The following EFCAB7 variants were observed in gnomAD, a reference collection of about 807,000 sequenced individuals.
The protein encoded by EFCAB7 is EF-hand calcium binding domain 7.
EFCAB7 carries 66 observed loss-of-function variants against 77.1 expected under a neutral mutation model. The ratio of observed to expected loss-of-function variants is 0.86; its 90% CI spans 0.70 to 1.05. The LOEUF (loss-of-function observed/expected upper bound fraction) is 1.05, where lower values mean the gene tolerates loss of function less well. Among genes scored for constraint, EFCAB7 ranks in the 50% least tolerant of loss-of-function variants. EFCAB7 has a pLI of 0.00. For missense variants in EFCAB7, 638 were observed against 730.5 expected (o/e 0.87, Z 1.46); for synonymous variants, 225 against 243.3 (o/e 0.92, Z 0.70).
At chr1:63,582,391 A>C in the EFCAB7 span, among the ~76,000 whole-genome samples, 1 of 152,252 alleles carries the variant, frequency 6.6e-6, no homozygotes, top group African/African-American at 2.4e-5. Flanking sequence ...TTAAGAAAAC[A>C]TAAGGACCAT....
chr1:63,544,526 C>A lies in EFCAB7; in HGVS notation c.805-1390C>A, dbSNP rs555341727. On this transcript the variant is annotated intron_variant, in intron 6 of 13. Coordinates refer to ENST00000371088, the MANE Select transcript of EFCAB7 (RefSeq NM_032437.4). ...CTCCCGGATTCAAGCAATTCTCCTG[C>A]CTCAGCCTCCTGACTAGCTGGGACT... 2.0e-5 allele frequency among the ~76,000 whole-genome samples: 3 copies of A among 152,278 alleles called. No individual in the cohort carries two copies. The East Asian group carries it at 5.8e-4, about 30-fold the overall frequency.
chr1:63,571,018 T>C lies in EFCAB7; in HGVS notation c.1708-3T>C, dbSNP rs1647241340. ...AGCAGCTTATGAAATCTTTTTTTAATAGTCAGATGAGAAAGTGATTATTCA... is the reference window on the plus strand; with the variant it reads ...AGCAGCTTATGAAATCTTTTTTTAACAGTCAGATGAGAAAGTGATTATTCA... On this transcript the variant is annotated splice_polypyrimidine_tract_variant and splice_region_variant and intron_variant, in intron 12 of 13. Coordinates refer to ENST00000371088, the MANE Select transcript of EFCAB7 (RefSeq NM_032437.4). 3 of 1,588,084 alleles carry C rather than the reference T, an allele frequency of 1.9e-6. No individual in the cohort carries two copies.
At chr1:63,534,529 A>G (rs914575942) in intron 6 of EFCAB7, among the ~76,000 whole-genome samples, 1 of 152,156 alleles carries the variant, frequency 6.6e-6, no homozygotes, top group East Asian at 1.9e-4. Context: ...TTTCATATAA[A>G]TAAATCATTC....
At position 63,531,823 on chromosome 1, in the gene EFCAB7, T is replaced by C. The variant is rs1442266721; in HGVS notation, c.191T>C (p.Leu64Pro). Residue 64 changes from leucine to proline, a missense_variant, in exon 3 of 14, where the codon CTT becomes CCT. Transcript: ENST00000371088. ...TAATACTTGTCTTGTTGGGCAGCTC[T>C]TCAGCATGCAGGAAGAAATCCATCC... The part of the protein sequence containing the change: ...IISKDQLYLA[L>P]QHAGRNPSQK... 6.2e-7 allele frequency: 1 copy of C among 1,611,296 alleles called. No homozygotes were observed. Among genetic ancestry groups the C allele is most frequent in the Non-Finnish European group, 8.5e-7 (1 of 1,179,026 alleles).
intron 9 of EFCAB7, 82 bp from the exon 10 acceptor site, chr1:63,557,020 AGAGTGAGACTCC>A: frequency 9.6e-7 from 1 of 1,045,726 alleles, no homozygotes; most frequent in South Asian, 1.6e-5. Context: ...CCTGGGTGAC[AGAGTGAGACTCC>A]GTCTCAAAAA....
At chr1:63,531,781 G>C (rs775333289) in intron 2 of EFCAB7, 39 bp from the exon 3 acceptor site, 205 of 1,567,978 alleles carry the variant, frequency 1.3e-4, no homozygotes, top group Non-Finnish European at 1.6e-4. Flanking sequence ...ACAAATTCCA[G>C]GTGTTACAAT....
chr1:63,563,783 A>G (rs1186265632), intron 11 of EFCAB7, among the ~76,000 whole-genome samples: 5 of 152,040 alleles, frequency 3.3e-5, no homozygotes, highest in East Asian at 1.9e-4. Context: ...TCCTTATTAA[A>G]TTCTCTAATT....
At chr1:63,560,326 C>G (rs1423820782) in intron 10 of EFCAB7, among the ~76,000 whole-genome samples, 1 of 151,938 alleles carries the variant, frequency 6.6e-6, no homozygotes, top group Non-Finnish European at 1.5e-5. Flanking sequence ...TTTTGATAGT[C>G]TCTATAGTAC....
At chr1:63,575,100 T>C (rs1276072408), downstream of EFCAB7, among the ~76,000 whole-genome samples, 2 of 152,304 alleles carry the variant, frequency 1.3e-5, no homozygotes, top group East Asian at 3.9e-4. Flanking sequence ...TTAAAAAAAC[T>C]AATTATCTAA....
intron 6 of EFCAB7, among the ~76,000 whole-genome samples, chr1:63,538,755 A>G (rs1646794219): frequency 6.6e-6 from 1 of 152,104 alleles, no homozygotes; most frequent in South Asian, 2.1e-4. Flanking sequence ...CCAGCCTTGA[A>G]AAGAAATTTT....
rs9436252 is a variant in EFCAB7, at chr1:63,565,376, C to A, written c.1498-2934C>A. On this transcript the variant is annotated intron_variant, in intron 11 of 13. Coordinates refer to ENST00000371088, the MANE Select transcript of EFCAB7 (RefSeq NM_032437.4). Reference sequence around the variant, plus strand: ...TCCGTCTCAAAAAAAAAAACAACAACAACAAAAAAATTTTAAGATAAAGAC... The same window carrying A: ...TCCGTCTCAAAAAAAAAAACAACAAAAACAAAAAAATTTTAAGATAAAGAC... 9.3e-3 allele frequency among the ~76,000 whole-genome samples: 1,381 copies of A among 149,200 alleles called. 25 individuals are homozygous for A. The highest frequency in any genetic ancestry group is 0.03 in the African/African-American group (1,203 of 40,580).
At chr1:63,539,083 A>G (rs1360593903) in intron 6 of EFCAB7, among the ~76,000 whole-genome samples, 3 of 152,182 alleles carry the variant, frequency 2.0e-5, no homozygotes, top group Non-Finnish European at 2.9e-5. Flanking sequence ...AAAGACTTAT[A>G]ATAAAAATGT....
intron 8 of EFCAB7, among the ~76,000 whole-genome samples, chr1:63,552,503 T>C (rs1015951176): frequency 6.6e-6 from 1 of 152,196 alleles, no homozygotes; most frequent in African/African-American, 2.4e-5. Context: ...AAGATTACTA[T>C]CCTCAGGCTT....
At chr1:63,568,688 G>T in intron 12 of EFCAB7, 169 bp downstream of exon 12, 2 of 487,374 alleles carry the variant, frequency 4.1e-6, no homozygotes, top group South Asian at 9.3e-5. Context: ...ACTGGGAGTG[G>T]TAATTTTTAT....
At chr1:63,543,148 T>C (rs1323870403) in intron 6 of EFCAB7, among the ~76,000 whole-genome samples, 1 of 152,218 alleles carries the variant, frequency 6.6e-6, no homozygotes, top group Admixed American at 6.5e-5. Context: ...ATTTATTCTT[T>C]TGCAGATGGA....
At chr1:63,525,400 G>A (rs553682775) in intron 1 of EFCAB7, among the ~76,000 whole-genome samples, 172 bp from the exon 2 acceptor site, 55 of 151,936 alleles carry the variant, frequency 3.6e-4, no homozygotes, top group African/African-American at 1.1e-3. Flanking sequence ...TATAGTATTC[G>A]TCTTTTACTT....
rs371838008 is a variant in EFCAB7 at position 63,568,371 on chromosome 1, A to G, written c.1559A>G (p.His520Arg). The G allele has an allele frequency of 2.4e-5, 38 of 1,598,354 alleles. No homozygotes were observed. Among genetic ancestry groups the G allele is most frequent in the Admixed American group, 1.1e-4 (6 of 56,492 alleles). Reference sequence around the variant, plus strand: ...TGCAAGCCAAAAATTAAAGCTGTCCATATGGAGGCATGTAGTGGACAACTT... The same window carrying G: ...TGCAAGCCAAAAATTAAAGCTGTCCGTATGGAGGCATGTAGTGGACAACTT... ...EKCKPKIKAV[H>R]MEACSGQLEK... The change falls in exon 12 of 14, where the codon CAT becomes CGT. Residue 520 changes from histidine (H) to arginine (R), a missense_variant. By Grantham distance (29) the His-to-Arg change is conservative. Coordinates refer to ENST00000371088, the MANE Select transcript of EFCAB7 (RefSeq NM_032437.4).
chr1:63,556,184 C>T (rs577320519), intron 9 of EFCAB7, among the ~76,000 whole-genome samples: 1 of 152,094 alleles, frequency 6.6e-6, no homozygotes, highest in Non-Finnish European at 1.5e-5. Context: ...TTCAGGAGAT[C>T]TGTTGACAAT....
chr1:63,561,505 G>A (rs554396184), intron 10 of EFCAB7, among the ~76,000 whole-genome samples: 18 of 152,112 alleles, frequency 1.2e-4, no homozygotes, highest in South Asian at 2.1e-4. Flanking sequence ...TGTGTACTAC[G>A]ATATATCTAT....
Sources: gnomAD v4.1 joint callset for allele counts (sites outside exome capture counted in the v4.1 genomes callset) on GRCh38, gnomAD v4.1.1 for gene constraint, MANE v1.5 for transcripts, NCBI Gene and HGNC (gene_info 2026-07-23, HGNC 2026-07-21) for gene names.